PPARGC1B: variants seen among roughly 807,000 people sequenced by gnomAD.
PPARGC1B encodes the protein peroxisome proliferator-activated receptor gamma coactivator 1-beta.
PPARGC1B carries 34 observed loss-of-function variants against 101.6 expected under a neutral mutation model. That is an observed-to-expected ratio of 0.33 (90% CI 0.25 to 0.45). The LOEUF is 0.45. Among genes scored for constraint, PPARGC1B ranks in the 20% least tolerant of loss-of-function variants. PPARGC1B has a pLI of 1.00. For synonymous variants in PPARGC1B, 548 were observed against 539.3 expected (o/e 1.02, Z -0.22); for missense variants, 1,234 against 1,317.6 (o/e 0.94, Z 0.98).
chr5:149,760,636 A>C (rs1755684359), intron 1 of PPARGC1B, among the ~76,000 whole-genome samples: 1 of 152,188 alleles, frequency 6.6e-6, no homozygotes, highest in African/African-American at 2.4e-5. Context: ...ATAGAGTGAA[A>C]CATAAGTGGA....
chr5:149,813,845 A>G (rs1344831211), intron 1 of PPARGC1B, among the ~76,000 whole-genome samples: 4 of 152,132 alleles, frequency 2.6e-5, no homozygotes, highest in African/African-American at 9.7e-5. Flanking sequence ...TCTGGTGAGG[A>G]CGCATTTCCT....
intron 1 of PPARGC1B, among the ~76,000 whole-genome samples, chr5:149,787,434 TA>T (rs1315599242): frequency 1.3e-5 from 2 of 152,240 alleles, no homozygotes; most frequent in Non-Finnish European, 2.9e-5. Context: ...TCCACTTTTA[TA>T]TTAAACACCA....
intron 8 of PPARGC1B, among the ~76,000 whole-genome samples, chr5:149,838,757 C>G (rs932326705): frequency 5.9e-5 from 9 of 152,334 alleles, no homozygotes; most frequent in African/African-American, 2.2e-4. Context: ...CTGCTCACTA[C>G]AGAAACTTAA....
intron 1 of PPARGC1B, chr5:149,732,877 G>A (rs1363877556): frequency 2.1e-6 from 1 of 469,344 alleles, no homozygotes. Flanking sequence ...ACTGGACTTG[G>A]AGTCAGAAGG....
intron 1 of PPARGC1B, among the ~76,000 whole-genome samples, chr5:149,808,854 G>A (rs1417594566): frequency 6.6e-6 from 1 of 152,218 alleles, no homozygotes; most frequent in African/African-American, 2.4e-5. Context: ...ACATGGAGCT[G>A]CCAGTTGTGG....
At chr5:149,795,796 G>A (rs1361115660) in intron 1 of PPARGC1B, among the ~76,000 whole-genome samples, 2 of 150,012 alleles carry the variant, frequency 1.3e-5, no homozygotes, top group African/African-American at 2.5e-5. Flanking sequence ...GGCAGGGGGG[G>A]ATGATTATCT....
At position 149,833,384 on chromosome 5, in the gene PPARGC1B, G is replaced by C. The variant is rs1758893986; in HGVS notation, c.1311G>C (p.Glu437Asp). Residue 437 changes from glutamate (E) to aspartate (D), a missense_variant, in exon 5 of 12, where the codon GAG (glutamate) becomes GAC (aspartate). Glu to Asp is a conservative substitution (Grantham distance 45). Transcript: ENST00000309241. This position sits in a 1 kb window ranked among gnomAD's most constrained non-coding sequence, Gnocchi z 4.1. ...QQQEEEDEEE[E>D]EEEEEEEKEE... ...AGGAGGAGGAAGACGAGGAAGAAGA[G>C]GAGGAGGAAGAGGAAGAAGAAAAAG... 1.2e-6 allele frequency: 2 copies of C among 1,611,886 alleles called. No homozygotes were observed. Among genetic ancestry groups the C allele is most frequent in the Non-Finnish European group, 1.7e-6 (2 of 1,179,640 alleles).
intron 6 of PPARGC1B, among the ~76,000 whole-genome samples, chr5:149,835,044 A>G: frequency 6.6e-6 from 1 of 152,246 alleles, no homozygotes; most frequent in East Asian, 1.9e-4. Flanking sequence ...TCTATAAAAT[A>G]AGGAGGCTGA....
chr5:149,776,545 G>A (rs1357417147), intron 1 of PPARGC1B, among the ~76,000 whole-genome samples: 1 of 152,156 alleles, frequency 6.6e-6, no homozygotes, highest in Non-Finnish European at 1.5e-5. Flanking sequence ...CAGTAATACT[G>A]CTGTGGTTGG....
intron 9 of PPARGC1B, 94 bp from the exon 10 acceptor site, chr5:149,842,162 G>A: frequency 1.3e-6 from 2 of 1,502,768 alleles, no homozygotes; most frequent in Non-Finnish European, 1.8e-6. Context: ...AGGCATCATG[G>A]ACTAGGACAA....
At chr5:149,737,294 A>AGG (rs1754754131) in intron 1 of PPARGC1B, among the ~76,000 whole-genome samples, 4 of 152,106 alleles carry the variant, frequency 2.6e-5, no homozygotes, top group African/African-American at 9.7e-5. Context: ...CTGATTTCCG[A>AGG]AGGCCTTCGG....
At chr5:149,809,350 CATAGATAGATAGATAG>C (rs374136678) in intron 1 of PPARGC1B, among the ~76,000 whole-genome samples, 47 of 34,850 alleles carry the variant, frequency 1.3e-3, no homozygotes, top group African/African-American at 2.6e-3. Context: ...CCATCTCTAC[CATAGATAGATAGATAG>C]ATAGATAGAT....
downstream of PPARGC1B, among the ~76,000 whole-genome samples, chr5:149,857,635 C>A (rs968811313): frequency 6.6e-6 from 1 of 152,322 alleles, no homozygotes; most frequent in African/African-American, 2.4e-5. Context: ...ATTGACATCA[C>A]CACCTGCAAA....
At chr5:149,836,020 C>T (rs553997003) in intron 7 of PPARGC1B, among the ~76,000 whole-genome samples, 4 of 148,204 alleles carry the variant, frequency 2.7e-5, no homozygotes, top group Admixed American at 1.4e-4. Flanking sequence ...TGCAGTGGCA[C>T]GATCTTGGCT....
At chr5:149,838,008 A>G (rs1005242435) in intron 8 of PPARGC1B, among the ~76,000 whole-genome samples, 1 of 152,224 alleles carries the variant, frequency 6.6e-6, no homozygotes. Context: ...TGGCGTTTCC[A>G]ACAAGTCCCC....
In PPARGC1B at chr5:149,837,759, G is replaced by C. The variant is rs1332132198; in HGVS notation, c.2618+686G>C. ...TTGGCAGATTCAGAGGGTACTGGTT[G>C]CTCCTCTCTGATCACAGTGGGTCCT... On this transcript the variant is annotated intron_variant, in intron 8 of 11. Coordinates refer to ENST00000309241, the MANE Select transcript of PPARGC1B (RefSeq NM_133263.4). The surrounding 1 kb of genome is among the most constrained non-coding windows in gnomAD (Gnocchi z 4.2). Among the ~76,000 whole-genome samples, 34 of 152,208 alleles carry C rather than the reference G, an allele frequency of 2.2e-4. No individual in the cohort carries two copies. Among genetic ancestry groups the C allele is most frequent in the Admixed American group, 2.2e-3 (34 of 15,284 alleles).
intron 1 of PPARGC1B, among the ~76,000 whole-genome samples, chr5:149,775,243 T>A (rs966417026): frequency 8.5e-5 from 13 of 152,182 alleles, no homozygotes; most frequent in African/African-American, 2.9e-4. Context: ...TTTCTGTGGA[T>A]CTGGAGAGGG....
At position 149,832,786 on chromosome 5, in the gene PPARGC1B, AGAGTCCCCGGCTCCCTGC is replaced by A. The variant is rs1456032133; in HGVS notation, c.714_731del (p.Gln238_Ala244delinsHis). 1 of 1,612,998 alleles carries A rather than the reference AGAGTCCCCGGCTCCCTGC, an allele frequency of 6.2e-7. No homozygotes were observed. Among genetic ancestry groups the A allele is most frequent in the Admixed American group, 1.7e-5 (1 of 59,960 alleles). On this transcript the variant is annotated inframe_deletion, in exon 5 of 12. Transcript: ENST00000309241. The surrounding 1 kb of genome is among the most constrained non-coding windows in gnomAD (Gnocchi z 4.9). ...CGGGGTCTGCAGCCACCATGCCTCC[AGAGTCCCCGGCTCCCTGC>A]CAAGGAGGACAAGGAGCCGGGTGAG...
At chr5:149,844,563 C>T (rs766770228) in intron 10 of PPARGC1B, among the ~76,000 whole-genome samples, 3 of 152,238 alleles carry the variant, frequency 2.0e-5, no homozygotes, top group Non-Finnish European at 2.9e-5. Flanking sequence ...CGCTTGAACC[C>T]GGAAGGCAGA....
Sources: gnomAD v4.1 joint callset for allele counts (sites outside exome capture counted in the v4.1 genomes callset) on GRCh38, gnomAD v4.1.1 for gene constraint, Gnocchi (gnomAD v3.1) non-coding constraint, MANE v1.5 for transcripts, NCBI Gene and HGNC (gene_info 2026-07-23, HGNC 2026-07-21) for gene names.